The following SPOCK3 variants were observed in gnomAD, a reference collection of about 807,000 sequenced individuals.
SPOCK3 encodes SPARC (osteonectin), cwcv and kazal like domains proteoglycan 3.
A neutral mutation model predicts 56.6 loss-of-function variants in SPOCK3; 30 were observed. The ratio of observed to expected loss-of-function variants is 0.53; its 90% CI spans 0.40 to 0.72. The LOEUF (loss-of-function observed/expected upper bound fraction) is 0.72, where lower values mean the gene tolerates loss of function less well. Among genes scored for constraint, SPOCK3 ranks in the 30% least tolerant of loss-of-function variants. The probability of loss-of-function intolerance (pLI) is 0.00; values close to 1 mark genes in which losing one functional copy is unlikely to be tolerated. For synonymous variants in SPOCK3, 196 were observed against 183.3 expected (o/e 1.07, Z -0.56); for missense variants, 527 against 530.0 (o/e 0.99, Z 0.06).
chr4:167,179,338 C>A (rs7667846), intron 2 of SPOCK3, among the ~76,000 whole-genome samples: 40,795 of 151,958 alleles, frequency 0.27, 6,441 homozygotes, highest in African/African-American at 0.44. Context: ...GCCTGTGTCC[C>A]GCTCAAAGTC....
intron 6 of SPOCK3, among the ~76,000 whole-genome samples, chr4:166,859,523 T>G (rs1476345519): frequency 6.6e-6 from 1 of 152,078 alleles, no homozygotes; most frequent in Non-Finnish European, 1.5e-5. Flanking sequence ...TGACACACAA[T>G]AGATACAACA....
chr4:166,850,654 G>A (rs181303398), intron 6 of SPOCK3, among the ~76,000 whole-genome samples: 1 of 152,356 alleles, frequency 6.6e-6, no homozygotes, highest in Admixed American at 6.5e-5. Flanking sequence ...GCCTCACTCG[G>A]GAAGCGCAAG....
intron 4 of SPOCK3, among the ~76,000 whole-genome samples, chr4:166,965,274 T>C: frequency 6.6e-6 from 1 of 151,982 alleles, no homozygotes; most frequent in East Asian, 1.9e-4. Context: ...CCTTTTGCTG[T>C]TGTTTTCATG....
intron 2 of SPOCK3, among the ~76,000 whole-genome samples, chr4:167,176,980 T>C (rs999851773): frequency 2.0e-5 from 3 of 152,176 alleles, no homozygotes; most frequent in Non-Finnish European, 4.4e-5. Flanking sequence ...AATCAGTTGA[T>C]GAAGATGACA....
chr4:166,893,938 T>C (rs900422049), intron 5 of SPOCK3, among the ~76,000 whole-genome samples: 2 of 152,118 alleles, frequency 1.3e-5, no homozygotes, highest in Non-Finnish European at 2.9e-5. Context: ...TTGAATGGTG[T>C]TCTCCATTCA....
chr4:166,929,197 G>A (rs1739459093), intron 4 of SPOCK3, among the ~76,000 whole-genome samples: 1 of 152,108 alleles, frequency 6.6e-6, no homozygotes, highest in South Asian at 2.1e-4. Context: ...AAAAAGAAAG[G>A]CAGAATGTTA....
At chr4:166,875,628 C>T (rs1319303946) in intron 6 of SPOCK3, among the ~76,000 whole-genome samples, 2 of 151,908 alleles carry the variant, frequency 1.3e-5, no homozygotes, top group Non-Finnish European at 2.9e-5. Flanking sequence ...TGAAGAAAAC[C>T]AAAGGAGACA....
chr4:166,948,307 G>C (rs938836540), intron 4 of SPOCK3, among the ~76,000 whole-genome samples: 1 of 152,154 alleles, frequency 6.6e-6, no homozygotes, highest in Non-Finnish European at 1.5e-5. Flanking sequence ...GTGAATAGTA[G>C]TGCAATAAAC....
chr4:167,073,005 A>G (rs1023024442), intron 2 of SPOCK3, among the ~76,000 whole-genome samples: 1 of 151,826 alleles, frequency 6.6e-6, no homozygotes, highest in East Asian at 1.9e-4. Flanking sequence ...CTGCTTAAGC[A>G]AAATAACAAT....
chr4:166,783,100 T>G (rs1740352286), intron 7 of SPOCK3, among the ~76,000 whole-genome samples: 1 of 152,224 alleles, frequency 6.6e-6, no homozygotes, highest in South Asian at 2.1e-4. Context: ...GGCTCACTCC[T>G]GTAGTCCCAG....
At chr4:167,205,462 ATAGAATT>A (rs1734128645) in intron 2 of SPOCK3, among the ~76,000 whole-genome samples, 1 of 52,288 alleles carries the variant, frequency 1.9e-5, no homozygotes, top group Non-Finnish European at 3.2e-5. Context: ...ATATAAATAT[ATAGAATT>A]TATTTTATAT....
At chr4:167,030,125 CTA>C (rs1450617933) in intron 3 of SPOCK3, among the ~76,000 whole-genome samples, 4 of 151,622 alleles carry the variant, frequency 2.6e-5, no homozygotes, top group African/African-American at 4.8e-5. Flanking sequence ...ATCTATCTAT[CTA>C]TCTTTCCATC....
chr4:166,975,262 C>T (rs1745817997), intron 4 of SPOCK3, among the ~76,000 whole-genome samples: 1 of 152,160 alleles, frequency 6.6e-6, no homozygotes, highest in South Asian at 2.1e-4. Flanking sequence ...CAGACTAAGA[C>T]AATATGTATA....
intron 8 of SPOCK3, among the ~76,000 whole-genome samples, chr4:166,748,114 T>C (rs904792487): frequency 1.3e-5 from 2 of 150,788 alleles, no homozygotes; most frequent in South Asian, 2.1e-4. Context: ...ATGACTTTCT[T>C]CATAGAATTG....
Position 166,845,206 on chromosome 4 carries a change from T to G in SPOCK3, c.589+43924A>C, listed in dbSNP as rs566043040. Among the ~76,000 whole-genome samples the G allele has an allele frequency of 1.3e-4, 20 of 152,332 alleles. No homozygotes were observed. In the South Asian group the frequency reaches 1.9e-3, roughly 14 times the overall value. On this transcript the variant is annotated intron_variant, in intron 6 of 10. Coordinates refer to ENST00000357545, the MANE Select transcript of SPOCK3 (RefSeq NM_001040159.2). ...AGGATAAATTAGCTACAAGAAATCA[T>G]ATTTTATAATTCTAAAATGTTGAAA...
At chr4:166,832,700 C>T (rs995437071) in intron 6 of SPOCK3, among the ~76,000 whole-genome samples, 6 of 152,162 alleles carry the variant, frequency 3.9e-5, no homozygotes, top group African/African-American at 1.4e-4. Flanking sequence ...GGTACTTACA[C>T]ATCATGGAAT....
At chr4:167,189,474 AT>A (rs546629790) in intron 2 of SPOCK3, among the ~76,000 whole-genome samples, 3 of 145,524 alleles carry the variant, frequency 2.1e-5, no homozygotes, top group African/African-American at 5.2e-5. Context: ...AAAATTTATT[AT>A]TTTTTTCCAG....
intron 2 of SPOCK3, among the ~76,000 whole-genome samples, chr4:167,158,059 A>C (rs900192165): frequency 6.6e-6 from 1 of 152,142 alleles, no homozygotes; most frequent in African/African-American, 2.4e-5. Flanking sequence ...ACAGCATTTT[A>C]CTTACTAATA....
At chr4:166,987,800 T>C (rs574813339) in intron 4 of SPOCK3, among the ~76,000 whole-genome samples, 20 of 152,264 alleles carry the variant, frequency 1.3e-4, no homozygotes, top group Non-Finnish European at 2.1e-4. Context: ...ACATAACTTG[T>C]TGAAAATTTT....
Sources: allele counts gnomAD v4.1 joint callset (sites outside exome capture counted in the v4.1 genomes callset), GRCh38; gene constraint gnomAD v4.1.1; transcripts MANE v1.5; gene names NCBI Gene and HGNC (gene_info 2026-07-23, HGNC 2026-07-21).